The following IL1RAPL1 variants were observed in gnomAD, a reference collection of about 807,000 sequenced individuals.
The protein encoded by IL1RAPL1 is interleukin-1 receptor accessory protein-like 1.
Under a neutral mutation model 48.4 loss-of-function variants are expected in IL1RAPL1, and 3 were observed. That is an observed-to-expected ratio of 0.06 (90% confidence interval 0.03 to 0.16). The LOEUF (loss-of-function observed/expected upper bound fraction) is 0.16. Ranked by LOEUF, IL1RAPL1 falls within the 10% of genes least tolerant of loss-of-function variation. The pLI is 1.00. For synonymous variants in IL1RAPL1, 185 were observed against 187.7 expected, an observed-to-expected ratio of 0.99 and a Z score of 0.12; for missense variants, 349 against 530.6, an observed-to-expected ratio of 0.66 and a Z score of 3.36.
chrX:29,886,346 T>C (rs1368177333), intron 6 of IL1RAPL1, among the ~76,000 whole-genome samples: 3 of 112,497 alleles, frequency 2.7e-5, no homozygotes, highest in East Asian at 2.8e-4. Flanking sequence ...CCTTTTCATC[T>C]GTGGCTTATA....
At chrX:29,792,492 G>T in intron 6 of IL1RAPL1, among the ~76,000 whole-genome samples, 1 of 111,845 alleles carries the variant, frequency 8.9e-6, no homozygotes, top group Non-Finnish European at 1.9e-5. Context: ...CTCATGTTAA[G>T]ATAGAAATAC....
At chrX:29,697,157 C>T (rs777548844) in intron 6 of IL1RAPL1, among the ~76,000 whole-genome samples, 12 of 111,694 alleles carry the variant, frequency 1.1e-4, no homozygotes, top group African/African-American at 3.6e-4. Context: ...TGGAGATAAA[C>T]GATCTGGCTT....
At chrX:29,673,715 G>C (rs1291396066) in intron 6 of IL1RAPL1, among the ~76,000 whole-genome samples, 1 of 111,461 alleles carries the variant, frequency 9.0e-6, no homozygotes, top group Admixed American at 9.6e-5. Context: ...TTAAACCATG[G>C]AAAGATAAAT....
intron 2 of IL1RAPL1, among the ~76,000 whole-genome samples, chrX:29,144,326 G>A (rs1214177238): frequency 1.8e-5 from 2 of 110,376 alleles, no homozygotes; most frequent in Non-Finnish European, 3.8e-5. Flanking sequence ...ATCTTGGCTG[G>A]GTGCGGTGGC....
At chrX:28,848,468 T>C (rs1423565456) in intron 2 of IL1RAPL1, among the ~76,000 whole-genome samples, 1 of 111,115 alleles carries the variant, frequency 9.0e-6, no homozygotes, top group Non-Finnish European at 1.9e-5. Context: ...AACTGTGTAT[T>C]TTAAAGGAGA....
At chrX:29,255,083 A>C (rs1241933693) in intron 2 of IL1RAPL1, among the ~76,000 whole-genome samples, 3 of 108,892 alleles carry the variant, frequency 2.8e-5, no homozygotes, top group Non-Finnish European at 5.7e-5. Flanking sequence ...TGCTTTTCTT[A>C]AGTGAAGTTG....
intron 2 of IL1RAPL1, among the ~76,000 whole-genome samples, chrX:28,970,714 CT>C (rs999573824): frequency 1.8e-5 from 2 of 111,474 alleles, no homozygotes; most frequent in African/African-American, 3.3e-5. Flanking sequence ...AAAATTTATC[CT>C]TTTTAAAAAA....
At chrX:29,879,395 G>GTGTGTGTGTGTA (rs1555929712) in intron 6 of IL1RAPL1, among the ~76,000 whole-genome samples, 1 of 86,875 alleles carries the variant, frequency 1.2e-5, no homozygotes, top group African/African-American at 5.3e-5. Flanking sequence ...GTGTGTGTGT[G>GTGTGTGTGTGTA]TATATATATA....
At chrX:28,880,938 C>T (rs1922486839) in intron 2 of IL1RAPL1, among the ~76,000 whole-genome samples, 1 of 111,416 alleles carries the variant, frequency 9.0e-6, no homozygotes, top group Admixed American at 9.6e-5. Flanking sequence ...ATCTGGTTTT[C>T]TTATTGAATG....
chrX:29,056,959 A>G (rs886203170), intron 2 of IL1RAPL1, among the ~76,000 whole-genome samples: 2 of 112,362 alleles, frequency 1.8e-5, no homozygotes, highest in African/African-American at 6.5e-5. Context: ...ATCCACTTAC[A>G]TAAATGACCA....
At chrX:29,276,913 A>G (rs1932128561) in intron 2 of IL1RAPL1, among the ~76,000 whole-genome samples, 1 of 112,019 alleles carries the variant, frequency 8.9e-6, no homozygotes, top group Non-Finnish European at 1.9e-5. Context: ...ATAGAGATAG[A>G]TATAGAGATG....
At chrX:29,852,186 A>G (rs1365800273) in intron 6 of IL1RAPL1, among the ~76,000 whole-genome samples, 1 of 112,947 alleles carries the variant, frequency 8.9e-6, no homozygotes, top group Non-Finnish European at 1.9e-5. Flanking sequence ...CAGAATGCTG[A>G]TTCATTAAAT....
intron 1 of IL1RAPL1, among the ~76,000 whole-genome samples, chrX:28,784,261 C>T (rs770055146): frequency 8.9e-5 from 10 of 111,853 alleles, no homozygotes; most frequent in African/African-American, 3.2e-4. Flanking sequence ...CCGTGTCAGG[C>T]ACAAATGGAT....
At chrX:29,933,869 TTGAGAAGG>T (rs1416201818) in intron 8 of IL1RAPL1, among the ~76,000 whole-genome samples, 3 of 110,485 alleles carry the variant, frequency 2.7e-5, no homozygotes. Flanking sequence ...GTGTATCCAA[TTGAGAAGG>T]TGCCGTATGA....
chrX:29,386,066 G>T (rs772082680), intron 3 of IL1RAPL1, among the ~76,000 whole-genome samples: 1 of 111,892 alleles, frequency 8.9e-6, no homozygotes, highest in African/African-American at 3.3e-5. Context: ...GTCTCACTCT[G>T]TTTCTCAGGC....
At chrX:29,558,405 AGTT>A (rs1436004599) in intron 5 of IL1RAPL1, among the ~76,000 whole-genome samples, 1 of 111,478 alleles carries the variant, frequency 9.0e-6, no homozygotes, top group African/African-American at 3.3e-5. Flanking sequence ...TTTGCTATTG[AGTT>A]GTTTGAGTTC....
intron 2 of IL1RAPL1, among the ~76,000 whole-genome samples, chrX:29,267,471 A>T (rs1212248372): frequency 1.8e-5 from 2 of 112,059 alleles, no homozygotes; most frequent in East Asian, 5.6e-4. Context: ...ACACACATAT[A>T]CACACACAAA....
chrX:29,279,983 T>G (rs1407698452), intron 2 of IL1RAPL1, among the ~76,000 whole-genome samples: 2 of 112,024 alleles, frequency 1.8e-5, no homozygotes, highest in Non-Finnish European at 3.8e-5. Flanking sequence ...ACTGTTTATA[T>G]ACTGCTAACT....
chrX:29,235,296 TG>T (rs1931271066), intron 2 of IL1RAPL1, among the ~76,000 whole-genome samples: 1 of 111,697 alleles, frequency 9.0e-6, no homozygotes, highest in Non-Finnish European at 1.9e-5. Flanking sequence ...TAGAAATAGT[TG>T]TGTTGGTACT....
Sources: gnomAD v4.1 joint callset for allele counts (sites outside exome capture counted in the v4.1 genomes callset) on GRCh38, gnomAD v4.1.1 for gene constraint, MANE v1.5 for transcripts, NCBI Gene and HGNC (gene_info 2026-07-23, HGNC 2026-07-21) for gene names.